CAMK2G: variants seen among roughly 807,000 people sequenced by gnomAD.
CAMK2G encodes calcium/calmodulin-dependent protein kinase type II subunit gamma.
A neutral mutation model predicts 88.7 loss-of-function variants in CAMK2G; 23 were observed. The observed-to-expected ratio is 0.26, with a 90% CI of 0.19 to 0.37. The LOEUF (loss-of-function observed/expected upper bound fraction) is 0.37. Among genes scored for constraint, CAMK2G ranks in the 10% least tolerant of loss-of-function variants. CAMK2G has a pLI of 1.00. For missense variants in CAMK2G, 476 were observed against 780.8 expected (o/e 0.61, Z 4.65); for synonymous variants, 263 against 294.8 (o/e 0.89, Z 1.11).
At chr10:73,864,488 G>A (rs1038611940) in intron 2 of CAMK2G, among the ~76,000 whole-genome samples, 3 of 152,160 alleles carry the variant, frequency 2.0e-5, no homozygotes, top group Admixed American at 6.5e-5. Flanking sequence ...CAAGTGCTGC[G>A]TAGAAAAAGC....
chr10:73,818,284 AG>A (rs1233962195), intron 19 of CAMK2G: 2 of 194,336 alleles, frequency 1.0e-5, no homozygotes, highest in Non-Finnish European at 2.2e-5. Flanking sequence ...AAAACCAGAC[AG>A]GGCTCAGACT....
intron 14 of CAMK2G, among the ~76,000 whole-genome samples, chr10:73,832,517 G>A (rs1036067348): frequency 1.3e-5 from 2 of 152,080 alleles, no homozygotes; most frequent in Admixed American, 6.6e-5. Flanking sequence ...ATGTTGGCCA[G>A]GCTGGTCTCG....
chr10:73,861,823 A>G (rs931400771), intron 2 of CAMK2G, among the ~76,000 whole-genome samples: 3 of 152,210 alleles, frequency 2.0e-5, no homozygotes, highest in Admixed American at 2.0e-4. Flanking sequence ...CAAGATAATG[A>G]TGACTTAAAA....
chr10:73,817,773 C>A lies in CAMK2G; in HGVS notation c.1364-219G>T, dbSNP rs574594109. 8.7e-6 allele frequency: 5 copies of A among 571,708 alleles called. 1 individual carries two copies. The South Asian group carries it at 1.1e-4, about 13-fold the overall frequency. The allele number at this position is 571,708 out of a possible 1,614,324, so 35.4% of individuals were successfully genotyped here. A position where few individuals can be genotyped will look rare whatever the true frequency, so the allele number is the denominator to read the frequency against. On this transcript the variant is annotated intron_variant, in intron 19 of 22. Transcript: ENST00000423381. ...TGACCACTTTCTCCTGAAGCCCAGC[C>A]ATTAGTTATGGTTCTTTGGCCTTTG...
intron 2 of CAMK2G, among the ~76,000 whole-genome samples, chr10:73,867,216 T>C (rs886391513): frequency 3.3e-5 from 5 of 152,346 alleles, no homozygotes; most frequent in Middle Eastern, 3.4e-3. Context: ...CTTTGGCCTC[T>C]GGATCTCAAG....
intron 5 of CAMK2G, among the ~76,000 whole-genome samples, chr10:73,851,650 G>A (rs887947729): frequency 3.3e-5 from 5 of 149,812 alleles, no homozygotes; most frequent in Non-Finnish European, 5.9e-5. Context: ...GCATGGTGGC[G>A]AGTACATGGT....
chr10:73,846,074 T>C (rs1450530397), intron 10 of CAMK2G, among the ~76,000 whole-genome samples: 1 of 152,112 alleles, frequency 6.6e-6, no homozygotes, highest in African/African-American at 2.4e-5. Flanking sequence ...CATGCCACCA[T>C]GCCTGGCAAT....
In CAMK2G at chr10:73,847,321, T is replaced by C; in HGVS notation, c.723A>G (p.Val241=). 6.2e-7 allele frequency: 1 copy of C among 1,614,138 alleles called. No individual in the cohort carries two copies. The highest frequency in any genetic ancestry group is 1.3e-5 in the African/African-American group (1 of 75,050). Residue 241 remains valine, a synonymous_variant, in exon 10 of 23, where the codon GTA becomes GTG. Transcript: ENST00000423381. The part of the protein sequence containing the change: ...YDFPSPEWDT[V]TPEAKNLINQ... Reference sequence around the variant, plus strand: ...TGATCAAGTTCTTGGCTTCAGGAGTTACCGTGTCCCATTCTGGTGATGGGA... The same window carrying C: ...TGATCAAGTTCTTGGCTTCAGGAGTCACCGTGTCCCATTCTGGTGATGGGA...
At chr10:73,841,062 C>G (rs894968815) in intron 12 of CAMK2G, among the ~76,000 whole-genome samples, 4 of 152,230 alleles carry the variant, frequency 2.6e-5, no homozygotes, top group African/African-American at 9.7e-5. Flanking sequence ...ACCACCAGCC[C>G]CGGGCTCACT....
At position 73,839,413 on chromosome 10, in the gene CAMK2G, G is replaced by A; in HGVS notation, c.1009+126C>T. 2.2e-6 allele frequency: 1 copy of A among 450,796 alleles called. No individual in the cohort carries two copies. The highest frequency in any genetic ancestry group is 3.6e-5 in the East Asian group (1 of 28,118). The allele number at this position is 450,796 out of a possible 1,614,324, so 27.9% of individuals were successfully genotyped here. A position where few individuals can be genotyped will look rare whatever the true frequency, so the allele number is the denominator to read the frequency against. On this transcript the variant is annotated intron_variant, in intron 13 of 22. Transcript: ENST00000423381. The surrounding 1 kb of genome is among the most constrained non-coding windows in gnomAD (Gnocchi z 4.2). ...AGATGCCAAGTTAGGTAGTCTGTCTGGCATGCCCATCTCAGCCCGCAAGCA... is the reference window on the plus strand; with the variant it reads ...AGATGCCAAGTTAGGTAGTCTGTCTAGCATGCCCATCTCAGCCCGCAAGCA...
intron 2 of CAMK2G, among the ~76,000 whole-genome samples, chr10:73,862,734 C>A (rs1241741618): frequency 6.6e-6 from 1 of 152,214 alleles, no homozygotes; most frequent in Non-Finnish European, 1.5e-5. Flanking sequence ...AGTTAAGACT[C>A]TAGGCTTTGG....
chr10:73,874,481 C>T lies in CAMK2G; in HGVS notation c.-20G>A, dbSNP rs1236955246. 6.8e-7 allele frequency: 1 copy of T among 1,478,204 alleles called. No individual in the cohort carries two copies. Among genetic ancestry groups the T allele is most frequent in the Non-Finnish European group, 9.1e-7 (1 of 1,102,918 alleles). The allele number at this position is 1,478,204 out of a possible 1,614,324, so 91.6% of individuals were successfully genotyped here. ...GGCCATGCTGGCGGGCGGGCGGACGCGGCGGTGCAGCCCGCGCCGACGTCG... is the reference window on the plus strand; with the variant it reads ...GGCCATGCTGGCGGGCGGGCGGACGTGGCGGTGCAGCCCGCGCCGACGTCG... On this transcript the variant is annotated 5_prime_UTR_variant, in exon 1 of 23. Transcript: ENST00000423381.
Position 73,874,325 on chromosome 10 carries a change from G to A in CAMK2G, c.65+72C>T, listed in dbSNP as rs1296481791. 49 of 1,089,858 alleles carry A rather than the reference G, an allele frequency of 4.5e-5. No individual in the cohort carries two copies. In the Middle Eastern group the frequency reaches 9.8e-4, roughly 22 times the overall value. The allele number at this position is 1,089,858 out of a possible 1,614,324, so 67.5% of individuals were successfully genotyped here. On this transcript the variant is annotated intron_variant, in intron 1 of 22. Transcript: ENST00000423381. ...AGCCGCAGCGGCCGGTGCAGGGCCG[G>A]GGGGCGGGGCGAGAAGCCGCATAGC... is the stretch of plus-strand genomic sequence containing the variant.
chr10:73,824,533 C>T (rs2090265412), intron 16 of CAMK2G, among the ~76,000 whole-genome samples: 1 of 152,230 alleles, frequency 6.6e-6, no homozygotes, highest in Non-Finnish European at 1.5e-5. Context: ...AGAGCCAGGA[C>T]AGGAGGCCCC....
At chr10:73,872,305 A>G (rs1471679583) in intron 2 of CAMK2G, among the ~76,000 whole-genome samples, 1 of 44,786 alleles carries the variant, frequency 2.2e-5, no homozygotes, top group Non-Finnish European at 7.3e-5. Flanking sequence ...TGCTCCTCAG[A>G]CTCGGAGGCA....
chr10:73,841,985 G>A (rs2093825164), intron 12 of CAMK2G, 184 bp downstream of exon 12: 2 of 629,314 alleles, frequency 3.2e-6, no homozygotes, highest in East Asian at 2.7e-5. Flanking sequence ...TGTGAGTCCA[G>A]CCCCCTGAAT....
chr10:73,830,071 A>G (rs1454303117), intron 14 of CAMK2G, among the ~76,000 whole-genome samples: 1 of 152,198 alleles, frequency 6.6e-6, no homozygotes, highest in Non-Finnish European at 1.5e-5. Context: ...CTAATGGGGA[A>G]TAAGTTCTCA....
At chr10:73,873,487 G>A (rs1314502359) in intron 1 of CAMK2G, 3 of 1,029,124 alleles carry the variant, frequency 2.9e-6, no homozygotes, top group Non-Finnish European at 3.5e-6. Flanking sequence ...ACAGTTGAAG[G>A]TCGGGGAAGG....
intron 17 of CAMK2G, among the ~76,000 whole-genome samples, chr10:73,822,627 C>CTCA (rs1441143933): frequency 1.3e-5 from 2 of 152,118 alleles, no homozygotes; most frequent in Non-Finnish European, 2.9e-5. Context: ...CTTCTCCAAC[C>CTCA]TCATCACTCT....
Sources: gnomAD v4.1 joint callset for allele counts (sites outside exome capture counted in the v4.1 genomes callset) on GRCh38, gnomAD v4.1.1 for gene constraint, Gnocchi (gnomAD v3.1) non-coding constraint, MANE v1.5 for transcripts, NCBI Gene and HGNC (gene_info 2026-07-23, HGNC 2026-07-21) for gene names.